ENPP2: variants seen among roughly 807,000 people sequenced by gnomAD.
The protein encoded by ENPP2 is ectonucleotide pyrophosphatase/phosphodiesterase 2.
In ENPP2, 51 loss-of-function variants were observed where a neutral mutation model predicts 120.2. The observed-to-expected ratio is 0.42, with a 90% confidence interval of 0.34 to 0.54. The LOEUF (loss-of-function observed/expected upper bound fraction) is 0.54, where lower values mean the gene tolerates loss of function less well. ENPP2 is among the 20% of genes least tolerant of loss of function. The pLI is 0.04. For missense variants in ENPP2, 920 were observed against 1,066.5 expected (o/e 0.86, Z 1.91); for synonymous variants, 365 against 366.4 (o/e 1.00, Z 0.04).
At chr8:119,583,577 A>G (rs1442371986) in intron 17 of ENPP2, 140 bp downstream of exon 17, 1 of 585,666 alleles carries the variant, frequency 1.7e-6, no homozygotes, top group Admixed American at 3.2e-5. Context: ...CTTTGAACCA[A>G]TGGGCAAGTT....
chr8:119,668,052 ATGT>A (rs1482977991), intron 1 of ENPP2, among the ~76,000 whole-genome samples: 1 of 152,160 alleles, frequency 6.6e-6, no homozygotes, highest in Non-Finnish European at 1.5e-5. Context: ...TTCCTAAAGA[ATGT>A]TTACCCTGGT....
chr8:119,566,342 C>T (rs746515219), intron 22 of ENPP2, among the ~76,000 whole-genome samples: 1 of 152,142 alleles, frequency 6.6e-6, no homozygotes. Context: ...GGGTGTCATG[C>T]GGTTCTGGCT....
At chr8:119,659,321 A>T (rs79534327) in intron 1 of ENPP2, among the ~76,000 whole-genome samples, 4 of 118,064 alleles carry the variant, frequency 3.4e-5, no homozygotes, top group Admixed American at 1.6e-4. Flanking sequence ...TGTCTCAATT[A>T]AAAAAAAAAA....
chr8:119,671,212 A>G (rs1818237048), intron 1 of ENPP2, among the ~76,000 whole-genome samples: 1 of 151,758 alleles, frequency 6.6e-6, no homozygotes, highest in Non-Finnish European at 1.5e-5. Context: ...GAGGCAGGAG[A>G]ATTGCTTGAA....
upstream of ENPP2, among the ~76,000 whole-genome samples, chr8:119,643,568 A>T (rs746973741): frequency 6.6e-6 from 1 of 152,208 alleles, no homozygotes; most frequent in Non-Finnish European, 1.5e-5. Flanking sequence ...GAATCTACAC[A>T]TGAGCCCCGA....
At chr8:119,613,622 C>G (rs759196492) in intron 8 of ENPP2, among the ~76,000 whole-genome samples, 2 of 151,992 alleles carry the variant, frequency 1.3e-5, no homozygotes, top group Non-Finnish European at 2.9e-5. Context: ...GATTTTAAAA[C>G]GAAGCCTCTG....
At chr8:119,618,970 C>G (rs187851827) in intron 5 of ENPP2, among the ~76,000 whole-genome samples, 5 of 152,198 alleles carry the variant, frequency 3.3e-5, no homozygotes, top group African/African-American at 4.8e-5. Context: ...TTCAGATGCA[C>G]TTTGTAAAAT....
At chr8:119,558,967 G>T (rs1324342207) in intron 24 of ENPP2, among the ~76,000 whole-genome samples, 1 of 152,196 alleles carries the variant, frequency 6.6e-6, no homozygotes, top group Admixed American at 6.5e-5. Context: ...GCTTGTGCCA[G>T]TGCTAAATAT....
intron 8 of ENPP2, among the ~76,000 whole-genome samples, chr8:119,609,957 A>G (rs1249630416): frequency 6.6e-6 from 1 of 152,228 alleles, no homozygotes; most frequent in African/African-American, 2.4e-5. Context: ...CATTAGGGCA[A>G]CAGGAAGTTC....
At chr8:119,594,438 A>G (rs1813749297) in intron 11 of ENPP2, among the ~76,000 whole-genome samples, 1 of 152,238 alleles carries the variant, frequency 6.6e-6, no homozygotes, top group African/African-American at 2.4e-5. Flanking sequence ...TTCTCACTTT[A>G]GTTCTTTTAA....
chr8:119,646,998 C>CTTTTTTT (rs528326819), intron 1 of ENPP2, among the ~76,000 whole-genome samples: 1 of 140,120 alleles, frequency 7.1e-6, no homozygotes, highest in African/African-American at 2.6e-5. Context: ...TAATCTCTCT[C>CTTTTTTT]TTTTTTTTTT....
intron 1 of ENPP2, among the ~76,000 whole-genome samples, chr8:119,664,808 G>A (rs1818023872): frequency 6.6e-6 from 1 of 152,184 alleles, no homozygotes; most frequent in Admixed American, 6.5e-5. Context: ...GGGTGTGGTG[G>A]AACACGCCTG....
chr8:119,637,988 C>T (rs1302173438), intron 2 of ENPP2, among the ~76,000 whole-genome samples: 1 of 152,188 alleles, frequency 6.6e-6, no homozygotes, highest in Admixed American at 6.5e-5. Flanking sequence ...TCTGAAGTTT[C>T]ATAAAGATAG....
At chr8:119,663,737 C>T (rs769954128) in intron 1 of ENPP2, among the ~76,000 whole-genome samples, 3 of 152,210 alleles carry the variant, frequency 2.0e-5, no homozygotes, top group Non-Finnish European at 4.4e-5. Context: ...AAGTGCTCTG[C>T]ACTCACGGGT....
intron 2 of ENPP2, among the ~76,000 whole-genome samples, chr8:119,631,002 C>T (rs1423759523): frequency 6.6e-6 from 1 of 150,676 alleles, no homozygotes; most frequent in Non-Finnish European, 1.5e-5. Context: ...TCAAGTGATT[C>T]TCCTGCCTCA....
chr8:119,661,162 G>T (rs548945476), intron 1 of ENPP2, among the ~76,000 whole-genome samples: 156 of 152,034 alleles, frequency 1.0e-3, no homozygotes, highest in African/African-American at 3.7e-3. Flanking sequence ...ACTGGGGCCT[G>T]TTGGGGGCTG....
intron 2 of ENPP2, among the ~76,000 whole-genome samples, chr8:119,632,238 A>C (rs1259554652): frequency 1.3e-5 from 2 of 152,186 alleles, no homozygotes; most frequent in African/African-American, 4.8e-5. Flanking sequence ...ACATCAACAA[A>C]CTTGTGGTAT....
intron 18 of ENPP2, among the ~76,000 whole-genome samples, chr8:119,582,041 C>G (rs1331225728): frequency 3.9e-5 from 6 of 152,266 alleles, no homozygotes. Context: ...CCTAAACTCT[C>G]TTTCAAAACC....
intron 5 of ENPP2, chr8:119,618,337 TC>T (rs1245425410): frequency 6.3e-6 from 3 of 476,574 alleles, no homozygotes; most frequent in South Asian, 4.5e-5. Context: ...TATAAGAGAA[TC>T]CAATGGCCTG....
Sources: allele counts gnomAD v4.1 joint callset (sites outside exome capture counted in the v4.1 genomes callset), GRCh38; gene constraint gnomAD v4.1.1; transcripts MANE v1.5; gene names NCBI Gene and HGNC (gene_info 2026-07-23, HGNC 2026-07-21).